The following KCNJ10 variants were observed in gnomAD, a reference collection of about 807,000 sequenced individuals.
KCNJ10 encodes potassium inwardly rectifying channel subfamily J member 10, also known as ATP-sensitive inward rectifier potassium channel 10.
A neutral mutation model predicts 22.2 loss-of-function variants in KCNJ10; 9 were observed. The ratio of observed to expected loss-of-function variants is 0.40; its 90% CI spans 0.24 to 0.71. The LOEUF (loss-of-function observed/expected upper bound fraction) is 0.71, where lower values mean the gene tolerates loss of function less well. KCNJ10 is among the 30% of genes least tolerant of loss of function. The pLI is 0.35. For missense variants in KCNJ10, 337 were observed against 482.7 expected, an observed-to-expected ratio of 0.70 and a Z score of 2.83; for synonymous variants, 184 against 187.3, an observed-to-expected ratio of 0.98 and a Z score of 0.15.
chr1:160,061,105 C>T (rs1187426546), intron 1 of KCNJ10, among the ~76,000 whole-genome samples: 4 of 152,108 alleles, frequency 2.6e-5, no homozygotes, highest in Non-Finnish European at 1.5e-5. Flanking sequence ...TCACCATGCC[C>T]CCACTCCTTC....
In KCNJ10 at chr1:160,042,494, A is replaced by T. The variant is rs776805483; in HGVS notation, c.39T>A (p.Thr13=). 177 of 1,614,044 alleles carry T rather than the reference A, an allele frequency of 1.1e-4. No individual in the cohort carries two copies. The highest frequency in any genetic ancestry group is 1.4e-4 in the Non-Finnish European group (162 of 1,180,048). ...CCATTAGGGGCCGGCTTTCTGTCTGAGTGGTCTGACTGTAATACACCTTGG... is the reference window on the plus strand; with the variant it reads ...CCATTAGGGGCCGGCTTTCTGTCTGTGTGGTCTGACTGTAATACACCTTGG... ...SVAKVYYSQT[T]QTESRPLMGP... Residue 13 remains threonine, a synonymous_variant, in exon 2 of 2, where the codon ACT becomes ACA. Transcript: ENST00000644903.
intron 1 of KCNJ10, among the ~76,000 whole-genome samples, chr1:160,043,462 T>TATC (rs556668427): frequency 1.2e-4 from 18 of 152,306 alleles, no homozygotes; most frequent in South Asian, 8.3e-4. Context: ...TTTCATTTTT[T>TATC]ATCATCATCA....
intron 1 of KCNJ10, among the ~76,000 whole-genome samples, chr1:160,056,983 A>C (rs1649056725): frequency 6.6e-6 from 1 of 152,194 alleles, no homozygotes; most frequent in Admixed American, 6.5e-5. Flanking sequence ...TCTGAGTCAC[A>C]AAGGTCCCTA....
rs137853074 is a variant in KCNJ10 at position 160,041,491 on chromosome 1, G to T, written c.1042C>A (p.Arg348Ser). ...SPSGLRDSTVRYGDPEKLKLE... is the reference protein window; with the variant it reads ...SPSGLRDSTVSYGDPEKLKLE... ...TTGAGCTTTTCAGGGTCTCCGTAGC[G>T]TACAGTGCTGTCACGGAGGCCACTA... The change falls in exon 2 of 2, where the codon CGC (arginine) becomes AGC (serine). Residue 348 changes from arginine to serine, a missense_variant. By Grantham distance (110) the Arg-to-Ser change is moderately radical. Around this residue, in one of 3 missense-constraint regions of KCNJ10, gnomAD observed 65 missense variants for 66.0 expected, o/e 0.98. Coordinates refer to ENST00000644903, the MANE Select transcript of KCNJ10 (RefSeq NM_002241.5). The surrounding 1 kb of genome is among the most constrained non-coding windows in gnomAD (Gnocchi z 4.4). 1.2e-6 allele frequency: 2 copies of T among 1,614,100 alleles called. No homozygotes were observed. Among genetic ancestry groups the T allele is most frequent in the Non-Finnish European group, 1.7e-6 (2 of 1,179,978 alleles).
chr1:160,040,402 T>C lies in KCNJ10; in HGVS notation c.*991A>G, dbSNP rs187278337. 3.3e-5 allele frequency: 13 copies of C among 396,912 alleles called. No individual in the cohort carries two copies. The highest frequency in any genetic ancestry group is 1.2e-4 in the African/African-American group (6 of 48,718). 24.6% of individuals were successfully genotyped at this position (396,912 alleles called of 1,614,324 possible). ...GGAAGGCCCTTGCATTTTCCCTCCC[T>C]TCTCCCAAAGAGTTGGGGTTAAGGA... On this transcript the variant is annotated 3_prime_UTR_variant, in exon 2 of 2. Coordinates refer to ENST00000644903, the MANE Select transcript of KCNJ10 (RefSeq NM_002241.5).
intron 1 of KCNJ10, among the ~76,000 whole-genome samples, chr1:160,065,756 A>G (rs906861327): frequency 2.0e-5 from 3 of 152,164 alleles, no homozygotes; most frequent in Admixed American, 1.3e-4. Context: ...GTGATTGGGA[A>G]ATTTTTATCC....
chr1:160,053,925 C>T (rs1357842983), intron 1 of KCNJ10, among the ~76,000 whole-genome samples: 1 of 152,158 alleles, frequency 6.6e-6, no homozygotes, highest in Non-Finnish European at 1.5e-5. Flanking sequence ...GATGGGGCCA[C>T]ATCAGATATT....
intron 1 of KCNJ10, among the ~76,000 whole-genome samples, chr1:160,066,583 C>G (rs1649327270): frequency 6.6e-6 from 1 of 152,158 alleles, no homozygotes; most frequent in South Asian, 2.1e-4. Flanking sequence ...GTTATGAGCC[C>G]TATTGTGAGG....
At chr1:160,050,870 G>A (rs1648885737) in intron 1 of KCNJ10, among the ~76,000 whole-genome samples, 1 of 152,050 alleles carries the variant, frequency 6.6e-6, no homozygotes, top group Non-Finnish European at 1.5e-5. Context: ...GTCAGGCCCT[G>A]CAGCTCCTGC....
intron 1 of KCNJ10, among the ~76,000 whole-genome samples, chr1:160,068,551 C>G (rs973939937): frequency 6.6e-6 from 1 of 152,138 alleles, no homozygotes; most frequent in Non-Finnish European, 1.5e-5. Context: ...GTGCCTATTG[C>G]CTCCACAATC....
chr1:160,041,172 G>A lies in KCNJ10; in HGVS notation c.*221C>T, dbSNP rs1648589799. On this transcript the variant is annotated 3_prime_UTR_variant, in exon 2 of 2. Transcript: ENST00000644903. This position sits in a 1 kb window ranked among gnomAD's most constrained non-coding sequence, Gnocchi z 4.4. ...TTTCCCCCATCCTGGCTTAAGGGAGGTATGTGTATTGGGGCAGAAGCTGGG... is the reference window on the plus strand; with the variant it reads ...TTTCCCCCATCCTGGCTTAAGGGAGATATGTGTATTGGGGCAGAAGCTGGG... 1 of 596,612 alleles carries A rather than the reference G, an allele frequency of 1.7e-6. No homozygotes were observed. The highest frequency in any genetic ancestry group is 1.9e-5 in the African/African-American group (1 of 53,884). The allele number at this position is 596,612 out of a possible 1,614,324, so 37.0% of individuals were successfully genotyped here.
At chr1:160,044,270 C>T (rs868355393) in intron 1 of KCNJ10, among the ~76,000 whole-genome samples, 2 of 152,214 alleles carry the variant, frequency 1.3e-5, no homozygotes, top group Non-Finnish European at 1.5e-5. Flanking sequence ...CCCCTATATC[C>T]TTGGCTGCTT....
At chr1:160,061,467 G>C (rs1156466211) in intron 1 of KCNJ10, among the ~76,000 whole-genome samples, 1 of 152,132 alleles carries the variant, frequency 6.6e-6, no homozygotes, top group Non-Finnish European at 1.5e-5. Context: ...CAGGGTACTT[G>C]ACTCAGCTCT....
At chr1:160,061,474 C>A (rs1025340666) in intron 1 of KCNJ10, among the ~76,000 whole-genome samples, 1 of 152,076 alleles carries the variant, frequency 6.6e-6, no homozygotes, top group African/African-American at 2.4e-5. Context: ...CTTGACTCAG[C>A]TCTGGGGTGG....
Position 160,041,322 on chromosome 1 carries a change from G to C in KCNJ10, c.*71C>G, listed in dbSNP as rs762083144. ...TTCGGGGGATCTCCAGTAAACCCGG[G>C]TAGTATTCCTTACCAGGGCATTGGA... On this transcript the variant is annotated 3_prime_UTR_variant, in exon 2 of 2. Coordinates refer to ENST00000644903, the MANE Select transcript of KCNJ10 (RefSeq NM_002241.5). This position sits in a 1 kb window ranked among gnomAD's most constrained non-coding sequence, Gnocchi z 4.4. 11 of 1,450,180 alleles carry C rather than the reference G, an allele frequency of 7.6e-6. No homozygotes were observed. Among genetic ancestry groups the C allele is most frequent in the Non-Finnish European group, 1.1e-5 (11 of 1,047,034 alleles). The allele number at this position is 1,450,180 out of a possible 1,614,324, so 89.8% of individuals were successfully genotyped here.
At position 160,042,397 on chromosome 1, in the gene KCNJ10, C is replaced by G; in HGVS notation, c.136G>C (p.Asp46His). The G allele has an allele frequency of 6.2e-7, 1 of 1,614,156 alleles. No individual in the cohort carries two copies. The highest frequency in any genetic ancestry group is 8.5e-7 in the Non-Finnish European group (1 of 1,180,016). ...RSNVRMEHIADKRFLYLKDLW... is the reference protein window; with the variant it reads ...RSNVRMEHIAHKRFLYLKDLW... ...TCCTTGAGGTAGAGGAAGCGCTTGTCGGCAATGTGCTCCATTCTCACGTTG... is the reference window on the plus strand; with the variant it reads ...TCCTTGAGGTAGAGGAAGCGCTTGTGGGCAATGTGCTCCATTCTCACGTTG... Residue 46 changes from aspartate (D) to histidine (H), a missense_variant, in exon 2 of 2, where the codon GAC (aspartate) becomes CAC (histidine). Physicochemically the swap from Asp to His is moderately conservative, Grantham distance 81. Transcript: ENST00000644903.
intron 1 of KCNJ10, among the ~76,000 whole-genome samples, chr1:160,066,598 G>T (rs902063084): frequency 9.2e-5 from 14 of 152,128 alleles, no homozygotes; most frequent in Non-Finnish European, 1.6e-4. Flanking sequence ...GTGAGGATGG[G>T]ACTTCCTTAG....
At chr1:160,061,347 A>G (rs1030463483) in intron 1 of KCNJ10, among the ~76,000 whole-genome samples, 8 of 152,150 alleles carry the variant, frequency 5.3e-5, no homozygotes, top group African/African-American at 1.9e-4. Context: ...TCCCAGGGCC[A>G]GGAAGGGCTA....
intron 1 of KCNJ10, among the ~76,000 whole-genome samples, chr1:160,067,644 G>A (rs1336065993): frequency 6.6e-6 from 1 of 152,178 alleles, no homozygotes; most frequent in Non-Finnish European, 1.5e-5. Flanking sequence ...GGAGGGGAGG[G>A]AGAGTGGAGG....
Sources: allele counts gnomAD v4.1 joint callset (sites outside exome capture counted in the v4.1 genomes callset), GRCh38; gene constraint gnomAD v4.1.1; regional missense constraint gnomAD v4.1.1; non-coding constraint Gnocchi (gnomAD v3.1); transcripts MANE v1.5; gene names NCBI Gene and HGNC (gene_info 2026-07-23, HGNC 2026-07-21).